FAM186B: variants seen among roughly 807,000 people sequenced by gnomAD.
FAM186B encodes the protein protein FAM186B.
In FAM186B, 68 loss-of-function variants were observed where a neutral mutation model predicts 83.4. The ratio of observed to expected loss-of-function variants is 0.81; its 90% confidence interval spans 0.67 to 1.00. The LOEUF (loss-of-function observed/expected upper bound fraction) is 1.00. Ranked by LOEUF, FAM186B falls within the 50% of genes least tolerant of loss-of-function variation. The pLI, the probability that FAM186B is intolerant of heterozygous loss-of-function variation, is 0.00. For synonymous variants in FAM186B, 389 were observed against 422.0 expected (o/e 0.92, Z 0.96); for missense variants, 983 against 1,099.2 (o/e 0.89, Z 1.49).
At chr12:49,612,367 G>GTT in the FAM186B span, among the ~76,000 whole-genome samples, 680 of 133,980 alleles carry the variant, frequency 5.1e-3, 3 homozygotes, top group Middle Eastern at 0.023. Flanking sequence ...ATCCAACAAA[G>GTT]TTTTTTTTTT....
the FAM186B span, chr12:49,619,595 T>G: frequency 1.5e-6 from 1 of 659,914 alleles, no homozygotes; most frequent in Non-Finnish European, 2.9e-6. Flanking sequence ...TCGGGAATTC[T>G]GGGCAAAACC....
At position 49,603,366 on chromosome 12, in the gene FAM186B, A is replaced by AATC. The variant is rs1279014716; in HGVS notation, c.323_324insGAT (p.Gly108_Asp109insIle). Reference sequence around the variant, plus strand: ...GCCCAATCTCATAGGTCAGAGTGTCACCTGGAGAAGGGATGGGAGGTGCAG... The same window carrying AATC: ...GCCCAATCTCATAGGTCAGAGTGTCAATCCCTGGAGAAGGGATGGGAGGTGCAG... On this transcript the variant is annotated inframe_insertion and splice_region_variant, in exon 3 of 7. Transcript: ENST00000257894. 5.0e-6 allele frequency: 8 copies of AATC among 1,613,948 alleles called. No homozygotes were observed. In the African/African-American group the frequency reaches 9.3e-5, roughly 19 times the overall value.
intron 5 of FAM186B, among the ~76,000 whole-genome samples, chr12:49,590,662 G>A (rs1283876017): frequency 1.3e-5 from 2 of 152,118 alleles, no homozygotes; most frequent in Admixed American, 6.5e-5. Context: ...GGAAAAACAC[G>A]AGGTCTCAGT....
intron 6 of FAM186B, 151 bp downstream of exon 6, chr12:49,588,303 G>T: frequency 1.1e-6 from 1 of 938,808 alleles, no homozygotes; most frequent in Non-Finnish European, 1.6e-6. Context: ...CACTGGGGAG[G>T]GCAGCTGAGA....
At chr12:49,596,916 T>C (rs560830079) in intron 5 of FAM186B, among the ~76,000 whole-genome samples, 1 of 152,338 alleles carries the variant, frequency 6.6e-6, no homozygotes, top group Non-Finnish European at 1.5e-5. Context: ...CTCTGGTATA[T>C]ACAGTCGTGC....
At position 49,605,534 on chromosome 12, in the gene FAM186B, C is replaced by T; in HGVS notation, c.-57G>A. 1.9e-6 allele frequency: 3 copies of T among 1,564,574 alleles called. No homozygotes were observed. The highest frequency in any genetic ancestry group is 2.6e-6 in the Non-Finnish European group (3 of 1,151,004). On this transcript the variant is annotated 5_prime_UTR_variant, in exon 1 of 7. Coordinates refer to ENST00000257894, the MANE Select transcript of FAM186B (RefSeq NM_032130.3). ...TGTGTTTCTGGTCCACAGGCCTGGA[C>T]ACACAATGTTGCCTGCTTTGGAGGT...
chr12:49,594,023 G>A (rs143091591), intron 5 of FAM186B: 2,513 of 165,568 alleles, frequency 0.015, 218 homozygotes, highest in Admixed American at 0.14. Context: ...GAATTGGTGG[G>A]TTGGAGTTTG....
intron 5 of FAM186B, 47 bp from the exon 6 acceptor site, chr12:49,588,670 C>T (rs771683565): frequency 3.3e-6 from 5 of 1,523,906 alleles, no homozygotes. Flanking sequence ...AAGTTATCTC[C>T]TCTCTAGGTC....
intron 5 of FAM186B, among the ~76,000 whole-genome samples, chr12:49,592,654 C>T (rs1939607897): frequency 6.6e-6 from 1 of 151,424 alleles, no homozygotes; most frequent in Admixed American, 6.6e-5. Context: ...GACATGGTGG[C>T]GGGTGCCTGT....
chr12:49,612,029 A>C, the FAM186B span, among the ~76,000 whole-genome samples: 5 of 152,126 alleles, frequency 3.3e-5, no homozygotes, highest in African/African-American at 1.2e-4. Flanking sequence ...CTACCACAAA[A>C]ATACAGTTAG....
downstream of FAM186B, among the ~76,000 whole-genome samples, chr12:49,586,493 T>G (rs1290374078): frequency 6.6e-6 from 1 of 152,196 alleles, no homozygotes; most frequent in Non-Finnish European, 1.5e-5. Context: ...CAAAGGGGCT[T>G]GCCCGAGACT....
At chr12:49,585,270 G>A (rs535277253), downstream of FAM186B, among the ~76,000 whole-genome samples, 3 of 152,028 alleles carry the variant, frequency 2.0e-5, no homozygotes, top group Non-Finnish European at 2.9e-5. Flanking sequence ...TGCCCACCTC[G>A]GCCTCTCAAA....
At chr12:49,594,230 CTGAAAGA>C in intron 5 of FAM186B, 2 of 261,742 alleles carry the variant, frequency 7.6e-6, no homozygotes, top group South Asian at 1.1e-4. Context: ...AAGAAAAGGA[CTGAAAGA>C]TTGGTGGGTT....
At position 49,601,059 on chromosome 12, in the gene FAM186B, C is replaced by G. The variant is rs1391851236; in HGVS notation, c.581G>C (p.Ser194Thr). Residue 194 changes from serine to threonine, a missense_variant, in exon 4 of 7, where the codon AGC becomes ACC. Physicochemically the swap from Ser to Thr is moderately conservative, Grantham distance 58 (BLOSUM62 1). Transcript: ENST00000257894. ...QTSPSHPQPL[S>T]PEQMLQDQHT... is the part of the protein sequence containing the mutation. Reference sequence around the variant, plus strand: ...CTGGTCCTGGAGCATCTGTTCTGGGCTTAGTGGCTGAGGATGGGATGGAGA... The same window carrying G: ...CTGGTCCTGGAGCATCTGTTCTGGGGTTAGTGGCTGAGGATGGGATGGAGA... 2 of 1,612,122 alleles carry G rather than the reference C, an allele frequency of 1.2e-6. No individual in the cohort carries two copies. The highest frequency in any genetic ancestry group is 3.3e-5 in the Admixed American group (2 of 59,774).
intron 5 of FAM186B, among the ~76,000 whole-genome samples, chr12:49,592,341 G>A (rs1297065002): frequency 6.6e-6 from 1 of 151,964 alleles, no homozygotes; most frequent in Non-Finnish European, 1.5e-5. Flanking sequence ...GCGTGGTGGT[G>A]TGCACCTATA....
At chr12:49,614,613 A>ATTT in the FAM186B span, among the ~76,000 whole-genome samples, 1 of 152,060 alleles carries the variant, frequency 6.6e-6, no homozygotes, top group African/African-American at 2.4e-5. Flanking sequence ...GGGCTGAAAA[A>ATTT]CTGACTATTG....
rs780028976 is a variant in FAM186B at position 49,600,344 on chromosome 12, C to G, written c.1296G>C (p.Pro432=). ...CTTTGTGGCCTAAGCTTTCTGCCACCGGTCTTTCCCATTTCTTAGGAAACC... is the reference window on the plus strand; with the variant it reads ...CTTTGTGGCCTAAGCTTTCTGCCACGGGTCTTTCCCATTTCTTAGGAAACC... ...DRRFPKKWER[P]VAESLGHKDK... The change falls in exon 4 of 7, where the codon CCG becomes CCC. Residue 432 remains proline, a synonymous_variant. Transcript: ENST00000257894. This position sits in a 1 kb window ranked among gnomAD's most constrained non-coding sequence, Gnocchi z 4.3. 1.9e-6 allele frequency: 3 copies of G among 1,614,058 alleles called. No individual in the cohort carries two copies. In the African/African-American group the frequency reaches 4.0e-5, roughly 22 times the overall value.
the FAM186B span, among the ~76,000 whole-genome samples, chr12:49,618,085 A>G: frequency 6.6e-6 from 1 of 152,148 alleles, no homozygotes; most frequent in African/African-American, 2.4e-5. Flanking sequence ...GGTGGCTCAC[A>G]CCTGTAATCC....
rs1038445571 is a variant in FAM186B, at chr12:49,599,782, G to A, written c.1858C>T (p.Pro620Ser). ...PMSSVEFTYR[P>S]RTRRVPTKPK... is the part of the protein sequence containing the mutation. ...TTTGTGGGAACTCGGCGGGTCCGTGGTCTGTAGGTAAACTCCACTGAACTC... is the reference window on the plus strand; with the variant it reads ...TTTGTGGGAACTCGGCGGGTCCGTGATCTGTAGGTAAACTCCACTGAACTC... The change falls in exon 4 of 7, where the codon CCA becomes TCA. Residue 620 changes from proline to serine, a missense_variant. Pro to Ser is a moderately conservative substitution (Grantham distance 74). Transcript: ENST00000257894. The A allele has an allele frequency of 3.7e-6, 6 of 1,613,932 alleles. No individual in the cohort carries two copies. The highest frequency in any genetic ancestry group is 5.1e-6 in the Non-Finnish European group (6 of 1,179,958).
Sources: allele counts gnomAD v4.1 joint callset (sites outside exome capture counted in the v4.1 genomes callset), GRCh38; gene constraint gnomAD v4.1.1; non-coding constraint Gnocchi (gnomAD v3.1); transcripts MANE v1.5; gene names NCBI Gene and HGNC (gene_info 2026-07-23, HGNC 2026-07-21).